The following LPCAT1 variants were observed in gnomAD, a reference collection of about 807,000 sequenced individuals.
LPCAT1 encodes the protein lysophosphatidylcholine acyltransferase 1.
LPCAT1 carries 23 observed loss-of-function variants against 60.9 expected under a neutral mutation model. That is an observed-to-expected ratio of 0.38 (90% CI 0.27 to 0.53). The LOEUF is 0.53. LPCAT1 is among the 20% of genes least tolerant of loss of function. LPCAT1 has a pLI of 0.82. For synonymous variants in LPCAT1, 340 were observed against 301.1 expected (o/e 1.13, Z -1.34); for missense variants, 622 against 723.6 (o/e 0.86, Z 1.61).
chr5:1,488,502 A>G, intron 4 of LPCAT1, 51 bp from the exon 5 acceptor site: 1 of 1,253,276 alleles, frequency 8.0e-7, no homozygotes, highest in Non-Finnish European at 1.1e-6. Flanking sequence ...CATAATTATA[A>G]TTCAGAACTT....
chr5:1,494,649 C>T (rs3733797), intron 3 of LPCAT1, 51 bp downstream of exon 3: 249,075 of 1,526,416 alleles, frequency 0.16, 21,851 homozygotes, highest in Middle Eastern at 0.2. Context: ...GGGGATCTCT[C>T]ACTCCCAGCA....
At position 1,522,023 on chromosome 5, in the gene LPCAT1, G is replaced by A. The variant is rs1736692226; in HGVS notation, c.135+1687C>T. On this transcript the variant is annotated intron_variant, in intron 1 of 13. Transcript: ENST00000283415. This position sits in a 1 kb window ranked among gnomAD's most constrained non-coding sequence, Gnocchi z 6.8. ...GTGGCCTCCGGGGACCTCCAGGGAG[G>A]GGCTTGATGTTTCCCCCCAGGGAGC... Among the ~76,000 whole-genome samples the A allele has an allele frequency of 1.3e-5, 2 of 152,242 alleles. No homozygotes were observed. Among genetic ancestry groups the A allele is most frequent in the African/African-American group, 4.8e-5 (2 of 41,460 alleles).
intron 1 of LPCAT1, among the ~76,000 whole-genome samples, chr5:1,509,203 G>A (rs1042785880): frequency 3.3e-5 from 5 of 152,272 alleles, no homozygotes; most frequent in African/African-American, 1.2e-4. Context: ...CCGCACAGGC[G>A]GCCGGGGCAG....
rs1003992801 is a variant in LPCAT1, at chr5:1,477,337, T to C, written c.899+67A>G. 6.9e-6 allele frequency: 9 copies of C among 1,298,162 alleles called. No homozygotes were observed. Among genetic ancestry groups the C allele is most frequent in the Middle Eastern group, 1.9e-4 (1 of 5,244 alleles). The allele number at this position is 1,298,162 out of a possible 1,614,324, so 80.4% of individuals were successfully genotyped here. ...TCCTAACGCTGTTGCCTATTTTAAA[T>C]ATACAGAGAGCAGCACTCTGGGAGA... On this transcript the variant is annotated intron_variant, in intron 9 of 13. Coordinates refer to ENST00000283415, the MANE Select transcript of LPCAT1 (RefSeq NM_024830.5). This position sits in a 1 kb window ranked among gnomAD's most constrained non-coding sequence, Gnocchi z 6.0.
chr5:1,465,550 AAC>A (rs1049709308), intron 13 of LPCAT1, among the ~76,000 whole-genome samples: 15 of 150,512 alleles, frequency 1.0e-4, no homozygotes, highest in African/African-American at 2.9e-4. Context: ...ACAGCAACTA[AAC>A]ACACATGCCC....
At chr5:1,485,467 G>A (rs114691969) in intron 5 of LPCAT1, among the ~76,000 whole-genome samples, 8,564 of 152,244 alleles carry the variant, frequency 0.056, 656 homozygotes, top group African/African-American at 0.18. Flanking sequence ...GAGGGGAGGA[G>A]GTACGGGCTT....
intron 12 of LPCAT1, among the ~76,000 whole-genome samples, chr5:1,467,997 A>G (rs908161938): frequency 6.6e-6 from 1 of 151,790 alleles, no homozygotes; most frequent in South Asian, 2.1e-4. Context: ...CCCTCCGAGA[A>G]GTGGGCTGCC....
intron 1 of LPCAT1, among the ~76,000 whole-genome samples, chr5:1,511,174 T>A (rs1453963116): frequency 6.6e-6 from 1 of 152,186 alleles, no homozygotes; most frequent in Non-Finnish European, 1.5e-5. Flanking sequence ...TTTCTGTGGA[T>A]CTCCACACAC....
At position 1,481,648 on chromosome 5, in the gene LPCAT1, A is replaced by C. The variant is rs919136414; in HGVS notation, c.727-672T>G. On this transcript the variant is annotated intron_variant, in intron 6 of 13. Coordinates refer to ENST00000283415, the MANE Select transcript of LPCAT1 (RefSeq NM_024830.5). The surrounding 1 kb of genome is among the most constrained non-coding windows in gnomAD (Gnocchi z 7.8). ...GTTGCTTTAAACACACTGATGAAACAATCTTAAAAGTGGAAAATCTAGATG... is the reference window on the plus strand; with the variant it reads ...GTTGCTTTAAACACACTGATGAAACCATCTTAAAAGTGGAAAATCTAGATG... Among the ~76,000 whole-genome samples the C allele has an allele frequency of 2.0e-5, 3 of 152,266 alleles. No homozygotes were observed. The East Asian group carries it at 5.8e-4, about 29-fold the overall frequency.
At position 1,480,999 on chromosome 5, in the gene LPCAT1, A is replaced by G. The variant is rs748996090; in HGVS notation, c.727-23T>C. Reference sequence around the variant, plus strand: ...GTCCTGGGGAGGAAGAGGCAGGGTCAGTCAGCATGGGGCCTGCACCCAGGG... The same window carrying G: ...GTCCTGGGGAGGAAGAGGCAGGGTCGGTCAGCATGGGGCCTGCACCCAGGG... On this transcript the variant is annotated intron_variant, in intron 6 of 13. Transcript: ENST00000283415. This position sits in a 1 kb window ranked among gnomAD's most constrained non-coding sequence, Gnocchi z 6.4. The G allele has an allele frequency of 5.6e-6, 9 of 1,613,276 alleles. No individual in the cohort carries two copies. The Admixed American group carries it at 1.5e-4, about 27-fold the overall frequency.
In LPCAT1 at chr5:1,477,744, C is replaced by T. The variant is rs1255798435; in HGVS notation, c.817-258G>A. On this transcript the variant is annotated intron_variant, in intron 8 of 13. Coordinates refer to ENST00000283415, the MANE Select transcript of LPCAT1 (RefSeq NM_024830.5). The surrounding 1 kb of genome is among the most constrained non-coding windows in gnomAD (Gnocchi z 6.0). ...CTGCTGCCTACATCAGAACATCTGG[C>T]TCTCTGATCTACACTCACCCCCGTC... Among the ~76,000 whole-genome samples, 1 of 151,030 alleles carries T rather than the reference C, an allele frequency of 6.6e-6. No individual in the cohort carries two copies. Among genetic ancestry groups the T allele is most frequent in the Non-Finnish European group, 1.5e-5 (1 of 67,702 alleles).
intron 3 of LPCAT1, 100 bp from the exon 4 acceptor site, chr5:1,489,958 GA>G: frequency 1.2e-6 from 1 of 842,894 alleles, no homozygotes; most frequent in East Asian, 2.4e-5. Context: ...AGTGGGGCGG[GA>G]GACTCCAGAT....
intron 1 of LPCAT1, among the ~76,000 whole-genome samples, chr5:1,513,151 G>A (rs983988847): frequency 6.6e-5 from 10 of 152,274 alleles, no homozygotes; most frequent in Admixed American, 5.9e-4. Context: ...TGCCGGAGCC[G>A]CTCCTCCGGT....
At position 1,470,865 on chromosome 5, in the gene LPCAT1, C is replaced by T. The variant is rs145831294; in HGVS notation, c.1239G>A (p.Arg413=). 3.0e-4 allele frequency: 486 copies of T among 1,613,648 alleles called. 2 individuals are homozygous for T. In the African/African-American group the frequency reaches 5.1e-3, roughly 17 times the overall value. The part of the protein sequence containing the change: ...ECVVALSVVC[R]PARTLDTIQL... ...GGATGGTGTCCAGGGTCCGGGCCGG[C>T]CGGCAGACGACAGACAGGGCAACCA... is the stretch of plus-strand genomic sequence containing the variant. Residue 413 remains arginine (R), a synonymous_variant, in exon 12 of 14, where the codon CGG becomes CGA. Transcript: ENST00000283415.
chr5:1,477,333 T>G lies in LPCAT1; in HGVS notation c.899+71A>C. 1 of 1,272,054 alleles carries G rather than the reference T, an allele frequency of 7.9e-7. No individual in the cohort carries two copies. The highest frequency in any genetic ancestry group is 1.1e-6 in the Non-Finnish European group (1 of 889,072). 78.8% of individuals were successfully genotyped at this position (1,272,054 alleles called of 1,614,324 possible). A position where few individuals can be genotyped will look rare whatever the true frequency, so the allele number is the denominator to read the frequency against. ...CTTTTCCTAACGCTGTTGCCTATTT[T>G]AAATATACAGAGAGCAGCACTCTGG... On this transcript the variant is annotated intron_variant, in intron 9 of 13. Transcript: ENST00000283415. This position sits in a 1 kb window ranked among gnomAD's most constrained non-coding sequence, Gnocchi z 6.0.
At chr5:1,514,113 G>C (rs1050005471) in intron 1 of LPCAT1, among the ~76,000 whole-genome samples, 1 of 152,232 alleles carries the variant, frequency 6.6e-6, no homozygotes, top group African/African-American at 2.4e-5. Flanking sequence ...CCCGAGAGCA[G>C]AACCCCCACC....
In LPCAT1 at chr5:1,477,681, C is replaced by A. The variant is rs1734978686; in HGVS notation, c.817-195G>T. On this transcript the variant is annotated intron_variant, in intron 8 of 13. Transcript: ENST00000283415. This position sits in a 1 kb window ranked among gnomAD's most constrained non-coding sequence, Gnocchi z 6.0. ...GATGCATGAACTGCACACGTGTGCA[C>A]CTGAACACTCACCCTCATTGGTGCT... Among the ~76,000 whole-genome samples, 1 of 152,202 alleles carries A rather than the reference C, an allele frequency of 6.6e-6. No homozygotes were observed. The highest frequency in any genetic ancestry group is 6.5e-5 in the Admixed American group (1 of 15,290).
chr5:1,482,790 T>A (rs2617582), intron 6 of LPCAT1, among the ~76,000 whole-genome samples: 1 of 149,236 alleles, frequency 6.7e-6, no homozygotes, highest in African/African-American at 2.5e-5. Flanking sequence ...CCTCCAGAGG[T>A]GGCAAGGCCC....
rs752799102 is a variant in LPCAT1, at chr5:1,466,897, G to A, written c.1279-7C>T. The A allele has an allele frequency of 2.6e-6, 4 of 1,562,418 alleles. No individual in the cohort carries two copies. The highest frequency in any genetic ancestry group is 2.3e-5 in the South Asian group (2 of 85,310). The stretch of plus-strand genomic sequence containing the variant: ...CCTCTTGCGCTCCGTACATCTGCAA[G>A]GCAAACTGGGTGTCACCTTGCAGCC... On this transcript the variant is annotated splice_region_variant and splice_polypyrimidine_tract_variant and intron_variant, in intron 12 of 13. Transcript: ENST00000283415.
Sources: gnomAD v4.1 joint callset for allele counts (sites outside exome capture counted in the v4.1 genomes callset) on GRCh38, gnomAD v4.1.1 for gene constraint, Gnocchi (gnomAD v3.1) non-coding constraint, MANE v1.5 for transcripts, NCBI Gene and HGNC (gene_info 2026-07-23, HGNC 2026-07-21) for gene names.